EFNA1: variants seen among roughly 807,000 people sequenced by gnomAD.
EFNA1 encodes the protein ephrin A1.
EFNA1 carries 8 observed loss-of-function variants against 23.2 expected under a neutral mutation model. The observed-to-expected ratio is 0.34, with a 90% CI of 0.20 to 0.62. The LOEUF (loss-of-function observed/expected upper bound fraction) is 0.62. EFNA1 is among the 20% of genes least tolerant of loss of function. The pLI is 0.75. For missense variants in EFNA1, 217 were observed against 260.0 expected, an observed-to-expected ratio of 0.83 and a Z score of 1.14; for synonymous variants, 89 against 98.6, an observed-to-expected ratio of 0.90 and a Z score of 0.58.
intron 2 of EFNA1, 134 bp from the exon 3 acceptor site, chr1:155,133,369 G>A (rs1664280447): frequency 1.0e-6 from 1 of 991,880 alleles, no homozygotes; most frequent in South Asian, 1.5e-5. Flanking sequence ...ACTAAGGAGG[G>A]TAGGAATCAA....
In EFNA1 at chr1:155,134,816, CAA is replaced by C. The variant is rs1318029470; in HGVS notation, c.*750_*751del. ...TTTCTACAACTGGAGTTTTTTTATACAATGTTCTTTGTCTCAAAATAAAGCAA... is the reference window on the plus strand; with the variant it reads ...TTTCTACAACTGGAGTTTTTTTATACTGTTCTTTGTCTCAAAATAAAGCAA... On this transcript the variant is annotated 3_prime_UTR_variant, in exon 5 of 5. Transcript: ENST00000368407. The C allele has an allele frequency of 2.0e-5, 3 of 153,442 alleles. No individual in the cohort carries two copies. The highest frequency in any genetic ancestry group is 4.8e-5 in the African/African-American group (2 of 41,448). 9.5% of individuals were successfully genotyped at this position (153,442 alleles called of 1,614,324 possible). A position where few individuals can be genotyped will look rare whatever the true frequency, so the allele number is the denominator to read the frequency against.
intron 1 of EFNA1, 193 bp from the exon 2 acceptor site, chr1:155,131,146 G>A (rs1410662628): frequency 2.9e-6 from 4 of 1,364,772 alleles, no homozygotes; most frequent in African/African-American, 2.9e-5. Context: ...CAGTGATGGT[G>A]CAGGGGAATG....
Position 155,133,553 on chromosome 1 carries a change from G to C in EFNA1, c.439G>C (p.Val147Leu). Residue 147 changes from valine (V) to leucine (L), a missense_variant, in exon 3 of 5, where the codon GTC becomes CTC. By Grantham distance (32) the Val-to-Leu change is conservative. Transcript: ENST00000368407. Reference protein sequence around the residue: ...EDRCLRLKVTVSGKITHSPQA... With the variant: ...EDRCLRLKVTLSGKITHSPQA... ...CCGCTGCTTGAGGTTGAAGGTGACTGTCAGTGGCAAAATCAGTGAGTGTCA... is the reference window on the plus strand; with the variant it reads ...CCGCTGCTTGAGGTTGAAGGTGACTCTCAGTGGCAAAATCAGTGAGTGTCA... The C allele has an allele frequency of 6.2e-7, 1 of 1,613,922 alleles. No homozygotes were observed. Among genetic ancestry groups the C allele is most frequent in the Non-Finnish European group, 8.5e-7 (1 of 1,179,986 alleles).
At position 155,134,311 on chromosome 1, in the gene EFNA1, A is replaced by G; in HGVS notation, c.*244A>G. 1 of 552,716 alleles carries G rather than the reference A, an allele frequency of 1.8e-6. No individual in the cohort carries two copies. Among genetic ancestry groups the G allele is most frequent in the African/African-American group, 1.9e-5 (1 of 52,836 alleles). The allele number at this position is 552,716 out of a possible 1,614,324, so 34.2% of individuals were successfully genotyped here. A position where few individuals can be genotyped will look rare whatever the true frequency, so the allele number is the denominator to read the frequency against. Reference sequence around the variant, plus strand: ...GAGGGATGGAGAAAGAAGTGGAGACAGTCCTTTCCCACCATTCCTGCCTTT... The same window carrying G: ...GAGGGATGGAGAAAGAAGTGGAGACGGTCCTTTCCCACCATTCCTGCCTTT... On this transcript the variant is annotated 3_prime_UTR_variant, in exon 5 of 5. Transcript: ENST00000368407.
Position 155,133,581 on chromosome 1 carries a change from G to A in EFNA1, c.454+13G>A. 1 of 1,613,692 alleles carries A rather than the reference G, an allele frequency of 6.2e-7. No homozygotes were observed. Among genetic ancestry groups the A allele is most frequent in the Non-Finnish European group, 8.5e-7 (1 of 1,179,832 alleles). Reference sequence around the variant, plus strand: ...AGTGGCAAAATCAGTGAGTGTCAGAGCCCTGTGGGCCTCCTTCCTCCATCT... The same window carrying A: ...AGTGGCAAAATCAGTGAGTGTCAGAACCCTGTGGGCCTCCTTCCTCCATCT... On this transcript the variant is annotated intron_variant, in intron 3 of 4. Coordinates refer to ENST00000368407, the MANE Select transcript of EFNA1 (RefSeq NM_004428.3).
Position 155,133,969 on chromosome 1 carries a change from C to A in EFNA1, c.520C>A (p.Arg174=). 1 of 1,614,026 alleles carries A rather than the reference C, an allele frequency of 6.2e-7. No homozygotes were observed. The highest frequency in any genetic ancestry group is 1.1e-5 in the South Asian group (1 of 91,058). Residue 174 remains arginine (R), a synonymous_variant, in exon 5 of 5, where the codon CGG becomes AGG. Transcript: ENST00000368407. ...KRLAADDPEV[R]VLHSIGHSAA... The stretch of plus-strand genomic sequence containing the variant: ...TCACCTTGCAGATGACCCAGAGGTG[C>A]GGGTTCTACATAGCATCGGTCACAG...
At position 155,127,959 on chromosome 1, in the gene EFNA1, C is replaced by A; in HGVS notation, c.-19C>A. ...ATAGGAGACCCGCGTCCCCGCTCGG[C>A]CTGGCCAGGCCCCGCGCTATGGAGT... On this transcript the variant is annotated 5_prime_UTR_variant, in exon 1 of 5. Coordinates refer to ENST00000368407, the MANE Select transcript of EFNA1 (RefSeq NM_004428.3). The surrounding 1 kb of genome is among the most constrained non-coding windows in gnomAD (Gnocchi z 4.4). The A allele has an allele frequency of 6.2e-7, 1 of 1,608,386 alleles. No homozygotes were observed. The highest frequency in any genetic ancestry group is 8.5e-7 in the Non-Finnish European group (1 of 1,177,274).
At chr1:155,130,443 G>A (rs1252129171) in intron 1 of EFNA1, 1 of 920,750 alleles carries the variant, frequency 1.1e-6, no homozygotes, top group Non-Finnish European at 1.3e-6. Flanking sequence ...CTAGGGGAGG[G>A]GTGCTGGCTC....
intron 3 of EFNA1, 81 bp downstream of exon 3, chr1:155,133,649 C>A (rs1664291831): frequency 3.7e-6 from 6 of 1,607,996 alleles, no homozygotes; most frequent in Middle Eastern, 1.6e-4. Context: ...GTATAGAAGT[C>A]TTGCAGCCCA....
chr1:155,128,195 A>G, intron 1 of EFNA1, 126 bp downstream of exon 1: 1 of 788,374 alleles, frequency 1.3e-6, no homozygotes, highest in Non-Finnish European at 2.1e-6. Flanking sequence ...GCGGCTGTAG[A>G]TTTTCCTCCC....
At chr1:155,129,151 A>C (rs1369692289) in intron 1 of EFNA1, among the ~76,000 whole-genome samples, 2 of 152,144 alleles carry the variant, frequency 1.3e-5, no homozygotes, top group African/African-American at 4.8e-5. Context: ...CCTCCTGCCC[A>C]TGGACGCTGG....
Position 155,134,211 on chromosome 1 carries a change from A to C in EFNA1, c.*144A>C, listed in dbSNP as rs1440489936. On this transcript the variant is annotated 3_prime_UTR_variant, in exon 5 of 5. Coordinates refer to ENST00000368407, the MANE Select transcript of EFNA1 (RefSeq NM_004428.3). Reference sequence around the variant, plus strand: ...CATAAGCTATCACCTAGCAGCCTCAAAACGGGTCAGTATTAAGGTTTTCAA... The same window carrying C: ...CATAAGCTATCACCTAGCAGCCTCACAACGGGTCAGTATTAAGGTTTTCAA... The C allele has an allele frequency of 2.5e-6, 2 of 804,010 alleles. No homozygotes were observed. Among genetic ancestry groups the C allele is most frequent in the Non-Finnish European group, 4.0e-6 (2 of 500,152 alleles). 49.8% of individuals were successfully genotyped at this position (804,010 alleles called of 1,614,324 possible). A position where few individuals can be genotyped will look rare whatever the true frequency, so the allele number is the denominator to read the frequency against.
chr1:155,132,593 C>T (rs1051839880), intron 2 of EFNA1, among the ~76,000 whole-genome samples: 1 of 147,998 alleles, frequency 6.8e-6, no homozygotes, highest in Non-Finnish European at 1.5e-5. Context: ...TTTGGGAGGC[C>T]GAGGTGGGTG....
At chr1:155,128,838 ACT>A (rs1379025374) in intron 1 of EFNA1, among the ~76,000 whole-genome samples, 1 of 151,980 alleles carries the variant, frequency 6.6e-6, no homozygotes, top group Non-Finnish European at 1.5e-5. Context: ...TGGGAGGAAG[ACT>A]CTGTCGGCCC....
At chr1:155,129,937 G>C (rs749707244) in intron 1 of EFNA1, 1 of 152,668 alleles carries the variant, frequency 6.6e-6, no homozygotes. Context: ...GATGAGGAAT[G>C]AGTCAGTGCC....
chr1:155,133,405 T>C (rs1336793347), intron 2 of EFNA1, 98 bp from the exon 3 acceptor site: 4 of 1,344,352 alleles, frequency 3.0e-6, no homozygotes, highest in Admixed American at 1.8e-5. Flanking sequence ...AAGAATGAAA[T>C]TGAGTAGGGA....
intron 1 of EFNA1, among the ~76,000 whole-genome samples, chr1:155,130,245 C>T (rs928065054): frequency 3.3e-5 from 5 of 152,182 alleles, no homozygotes; most frequent in African/African-American, 7.2e-5. Context: ...AGCAACTTAG[C>T]GCTAATTCTG....
intron 2 of EFNA1, among the ~76,000 whole-genome samples, chr1:155,132,463 GTC>G (rs1664261052): frequency 6.6e-6 from 1 of 151,696 alleles, no homozygotes; most frequent in African/African-American, 2.4e-5. Flanking sequence ...GGTCAGACTG[GTC>G]TCGAACTCCT....
rs752597933 is a variant in EFNA1 at position 155,128,072 on chromosome 1, A to G, written c.92+3A>G. ...TTCTGGAACAGTTCAAATCCCAAGT[A>G]AGCCTCGAGACTCCCGCTGGCAGCC... On this transcript the variant is annotated splice_donor_region_variant and intron_variant, in intron 1 of 4. Coordinates refer to ENST00000368407, the MANE Select transcript of EFNA1 (RefSeq NM_004428.3). 3 of 1,613,268 alleles carry G rather than the reference A, an allele frequency of 1.9e-6. No individual in the cohort carries two copies. The South Asian group carries it at 3.3e-5, about 18-fold the overall frequency.
Sources: allele counts gnomAD v4.1 joint callset (sites outside exome capture counted in the v4.1 genomes callset), GRCh38; gene constraint gnomAD v4.1.1; non-coding constraint Gnocchi (gnomAD v3.1); transcripts MANE v1.5; gene names NCBI Gene and HGNC (gene_info 2026-07-23, HGNC 2026-07-21).